CDKAL1: variants seen among roughly 807,000 people sequenced by gnomAD.
The protein encoded by CDKAL1 is CDKAL1 threonylcarbamoyladenosine tRNA methylthiotransferase.
Under a neutral mutation model 68.2 loss-of-function variants are expected in CDKAL1, and 32 were observed. The ratio of observed to expected loss-of-function variants is 0.47; its 90% CI spans 0.35 to 0.63. CDKAL1 has a LOEUF of 0.63. Ranked by LOEUF, CDKAL1 falls within the 30% of genes least tolerant of loss-of-function variation. The pLI, the probability that CDKAL1 is intolerant of heterozygous loss-of-function variation, is 0.00. For synonymous variants in CDKAL1, 234 were observed against 244.3 expected (o/e 0.96, Z 0.39); for missense variants, 606 against 696.7 (o/e 0.87, Z 1.47).
chr6:21,042,491 C>T (rs535058760), intron 11 of CDKAL1, among the ~76,000 whole-genome samples: 4 of 152,240 alleles, frequency 2.6e-5, no homozygotes, highest in African/African-American at 4.8e-5. Flanking sequence ...CTTCCAGTCA[C>T]GTCCAAGCTT....
intron 8 of CDKAL1, among the ~76,000 whole-genome samples, chr6:20,784,167 C>T (rs548786030): frequency 3.3e-5 from 5 of 149,814 alleles, no homozygotes; most frequent in East Asian, 2.0e-4. Context: ...GAGCTGAGAT[C>T]GTGCCACTAA....
chr6:21,190,999 TTA>T (rs139496772), intron 13 of CDKAL1, among the ~76,000 whole-genome samples: 1,533 of 152,340 alleles, frequency 0.01, 25 homozygotes, highest in African/African-American at 0.035. Context: ...TACATACAGT[TTA>T]TGTTTAAAGC....
At chr6:20,902,740 C>T (rs1762060810) in intron 9 of CDKAL1, among the ~76,000 whole-genome samples, 1 of 151,880 alleles carries the variant, frequency 6.6e-6, no homozygotes, top group South Asian at 2.1e-4. Flanking sequence ...ATATGGCATA[C>T]AAAAAGGGAG....
chr6:20,855,488 T>A (rs1452165292), intron 9 of CDKAL1, among the ~76,000 whole-genome samples: 1 of 147,620 alleles, frequency 6.8e-6, no homozygotes, highest in Non-Finnish European at 1.5e-5. Flanking sequence ...TGCAGACATG[T>A]CTTGAAAAGC....
intron 5 of CDKAL1, among the ~76,000 whole-genome samples, chr6:20,720,123 T>C (rs530060162): frequency 2.0e-5 from 3 of 152,316 alleles, no homozygotes; most frequent in Admixed American, 1.3e-4. Context: ...GGCTTCCTTA[T>C]GGCATAGGGA....
intron 7 of CDKAL1, among the ~76,000 whole-genome samples, chr6:20,769,014 G>C (rs1019565873): frequency 6.6e-6 from 1 of 152,008 alleles, no homozygotes; most frequent in Non-Finnish European, 1.5e-5. Context: ...AGACAGGTAA[G>C]GATCATATCA....
intron 8 of CDKAL1, among the ~76,000 whole-genome samples, chr6:20,784,417 T>C (rs1174188944): frequency 2.1e-5 from 1 of 47,198 alleles, no homozygotes; most frequent in African/African-American, 8.2e-5. Context: ...TATTTCTTTT[T>C]TTTTTTTTTT....
In CDKAL1 at chr6:20,871,173, T is replaced by C. The variant is rs1467989837; in HGVS notation, c.742+24995T>C. Among the ~76,000 whole-genome samples, 4 of 152,252 alleles carry C rather than the reference T, an allele frequency of 2.6e-5. No homozygotes were observed. In the South Asian group the frequency reaches 8.3e-4, roughly 32 times the overall value. ...TATTTTTAAATGTGTAAAATAAAATTCATAGGATTAAAAGAAAGCAAGTTA... is the reference window on the plus strand; with the variant it reads ...TATTTTTAAATGTGTAAAATAAAATCCATAGGATTAAAAGAAAGCAAGTTA... On this transcript the variant is annotated intron_variant, in intron 9 of 15. Coordinates refer to ENST00000274695, the MANE Select transcript of CDKAL1 (RefSeq NM_017774.3).
intron 4 of CDKAL1, among the ~76,000 whole-genome samples, chr6:20,592,168 T>C (rs983745283): frequency 6.6e-6 from 1 of 152,230 alleles, no homozygotes; most frequent in Non-Finnish European, 1.5e-5. Context: ...TTTGGCTTTC[T>C]GTTTGTCTGT....
At chr6:20,797,855 C>T (rs182366586) in intron 8 of CDKAL1, among the ~76,000 whole-genome samples, 17 of 143,238 alleles carry the variant, frequency 1.2e-4, no homozygotes, top group African/African-American at 2.8e-4. Flanking sequence ...CTAGCTCTAT[C>T]GCCCAGGCTG....
At chr6:20,924,417 A>ACC (rs1763094704) in intron 9 of CDKAL1, among the ~76,000 whole-genome samples, 1 of 152,042 alleles carries the variant, frequency 6.6e-6, no homozygotes, top group Non-Finnish European at 1.5e-5. Flanking sequence ...GGCAGGCTGA[A>ACC]AGCTGGGTCT....
At chr6:21,205,575 G>A (rs1778875702) in intron 15 of CDKAL1, among the ~76,000 whole-genome samples, 1 of 152,006 alleles carries the variant, frequency 6.6e-6, no homozygotes, top group South Asian at 2.1e-4. Context: ...CTGTCGCCCA[G>A]GCTGGAGTGC....
chr6:20,851,815 C>CT (rs1759028935), intron 9 of CDKAL1, among the ~76,000 whole-genome samples: 1 of 151,310 alleles, frequency 6.6e-6, no homozygotes, highest in African/African-American at 2.4e-5. Flanking sequence ...TTGCTTCCAA[C>CT]TTTTTTAGAT....
chr6:20,609,596 A>G (rs1170621117), intron 4 of CDKAL1, among the ~76,000 whole-genome samples: 1 of 151,676 alleles, frequency 6.6e-6, no homozygotes, highest in Non-Finnish European at 1.5e-5. Flanking sequence ...GGGTTTCACC[A>G]TGTTGTTCAG....
In CDKAL1 at chr6:20,666,290, A is replaced by T. The variant is rs943570509; in HGVS notation, c.371+16913A>T. 2.9e-5 allele frequency among the ~76,000 whole-genome samples: 4 copies of T among 140,272 alleles called. No homozygotes were observed. The East Asian group carries it at 8.3e-4, about 29-fold the overall frequency. 92.0% of individuals were successfully genotyped at this position (140,272 alleles called of 152,430 possible). On this transcript the variant is annotated intron_variant, in intron 5 of 15. Coordinates refer to ENST00000274695, the MANE Select transcript of CDKAL1 (RefSeq NM_017774.3). ...GCCCACTAGATTTTTTTTTTTTCCC[A>T]GTAGGCCCAGTGCTCCTGAGAGTAT...
intron 10 of CDKAL1, among the ~76,000 whole-genome samples, chr6:20,974,248 T>C (rs986281699): frequency 1.3e-5 from 2 of 152,234 alleles, no homozygotes; most frequent in African/African-American, 4.8e-5. Context: ...GCATTTCTTC[T>C]ACTGGCCTGA....
chr6:21,069,023 TA>T (rs974065459), intron 12 of CDKAL1, among the ~76,000 whole-genome samples: 2 of 152,212 alleles, frequency 1.3e-5, no homozygotes, highest in Non-Finnish European at 2.9e-5. Context: ...AAAATATATT[TA>T]TTTTGCCCAA....
intron 4 of CDKAL1, among the ~76,000 whole-genome samples, chr6:20,570,112 TTTG>T (rs899279419): frequency 2.8e-4 from 43 of 152,162 alleles, no homozygotes; most frequent in African/African-American, 3.9e-4. Context: ...TTAATTAATT[TTTG>T]TTGTTGTTGT....
chr6:20,595,063 T>C (rs952941063), intron 4 of CDKAL1, among the ~76,000 whole-genome samples: 22 of 152,232 alleles, frequency 1.4e-4, no homozygotes, highest in African/African-American at 5.1e-4. Context: ...TGGGCTTCCC[T>C]TTGTGGGTAA....
Sources: gnomAD v4.1 joint callset for allele counts (sites outside exome capture counted in the v4.1 genomes callset) on GRCh38, gnomAD v4.1.1 for gene constraint, MANE v1.5 for transcripts, NCBI Gene and HGNC (gene_info 2026-07-23, HGNC 2026-07-21) for gene names.